Variants in ALDH3B2 observed in about 807,000 individuals in gnomAD.
ALDH3B2 encodes aldehyde dehydrogenase 3 family member B2, also known as aldehyde dehydrogenase family 3 member B2.
A neutral mutation model predicts 36.7 loss-of-function variants in ALDH3B2; 45 were observed. The observed-to-expected ratio is 1.23, with a 90% confidence interval of 0.97 to 1.57. The LOEUF is 1.57. Among genes scored for constraint, ALDH3B2 ranks in the 40% most tolerant of loss-of-function variants. The pLI, the probability that ALDH3B2 is intolerant of heterozygous loss-of-function variation, is 0.00. For missense variants in ALDH3B2, 464 were observed against 513.3 expected, an observed-to-expected ratio of 0.90 and a Z score of 0.93; for synonymous variants, 217 against 226.5, an observed-to-expected ratio of 0.96 and a Z score of 0.38.
At chr11:67,663,119 C>A (rs3127) in exon 10 of ALDH3B2, 1 of 1,414,788 alleles carries the variant, frequency 7.1e-7, no homozygotes. Context: ...GCTGGGGGAA[C>A]CTGCGGTCTG....
Position 67,663,766 on chromosome 11 carries a change from C to G in ALDH3B2, c.874-5G>C. 1.9e-6 allele frequency: 3 copies of G among 1,608,492 alleles called. No homozygotes were observed. Among genetic ancestry groups the G allele is most frequent in the Non-Finnish European group, 2.6e-6 (3 of 1,175,888 alleles). On this transcript the variant is annotated splice_polypyrimidine_tract_variant and splice_region_variant and intron_variant, in intron 8 of 9. Coordinates refer to ENST00000349015, the Ensembl canonical transcript of ALDH3B2. ...CTCCAGCATCTGGTTCACAACCTGC[C>G]AGGGAGTGAGAAGGTGGGTGTTGGG...
intron 5 of ALDH3B2, 36 bp from the exon 6 acceptor site, chr11:67,666,239 G>GA: frequency 2.3e-5 from 37 of 1,612,992 alleles, no homozygotes; most frequent in Non-Finnish European, 3.1e-5. Flanking sequence ...GGCGGGCTCG[G>GA]GGCCAGCCGG....
upstream of ALDH3B2, among the ~76,000 whole-genome samples, chr11:67,678,393 G>T (rs910468653): frequency 3.3e-5 from 5 of 152,060 alleles, no homozygotes; most frequent in African/African-American, 1.2e-4. Flanking sequence ...TCAACAAATG[G>T]TCCTGGGATA....
At chr11:67,680,830 G>T (rs1856355882) in intron 1 of ALDH3B2, among the ~76,000 whole-genome samples, 1 of 152,076 alleles carries the variant, frequency 6.6e-6, no homozygotes, top group East Asian at 1.9e-4. Context: ...CACCCCACTG[G>T]GCCCAATTTG....
chr11:67,675,227 G>A (rs978451304), upstream of ALDH3B2, among the ~76,000 whole-genome samples: 13 of 152,328 alleles, frequency 8.5e-5, no homozygotes, highest in Middle Eastern at 6.8e-3. Flanking sequence ...CTGTGCAACC[G>A]TGGGTAGGTT....
intron 1 of ALDH3B2, 108 bp downstream of exon 1, chr11:67,674,328 C>T (rs373049697): frequency 9.2e-5 from 14 of 152,890 alleles, no homozygotes; most frequent in Non-Finnish European, 1.9e-4. Context: ...GCCCCCTGAC[C>T]CACGGGCCAT....
chr11:67,681,182 G>A (rs185596025), exon 1 of ALDH3B2: 1 of 152,292 alleles, frequency 6.6e-6, no homozygotes, highest in South Asian at 2.1e-4. Flanking sequence ...TTACAGTTAT[G>A]GTGGAAGGGG....
At position 67,663,292 on chromosome 11, in the gene ALDH3B2, G is replaced by A. The variant is rs200562460; in HGVS notation, c.1081C>T (p.His361Tyr). The stretch of plus-strand genomic sequence containing the variant: ...TTCCAGTCGGTATAGGGTGGGTAGT[G>A]GATCTCCTTTAATTTCTCCAGGCCG... Residue 361 changes from histidine (H) to tyrosine (Y), a missense_variant, in exon 10 of 10, where the codon CAC becomes TAC. Physicochemically the swap from His to Tyr is moderately conservative, Grantham distance 83 (BLOSUM62 2). Transcript: ENST00000349015. The A allele has an allele frequency of 1.2e-4, 189 of 1,614,096 alleles. 1 individual carries two copies. Among genetic ancestry groups the A allele is most frequent in the Admixed American group, 5.7e-4 (34 of 60,012 alleles).
chr11:67,679,905 A>C (rs1591152274), intron 1 of ALDH3B2, among the ~76,000 whole-genome samples: 1 of 152,216 alleles, frequency 6.6e-6, no homozygotes, highest in African/African-American at 2.4e-5. Context: ...AGGGCTAGAA[A>C]GAGAAATTCT....
chr11:67,674,351 C>T (rs1031069048), intron 1 of ALDH3B2, 85 bp downstream of exon 1: 2 of 152,720 alleles, frequency 1.3e-5, no homozygotes, highest in Non-Finnish European at 2.9e-5. Flanking sequence ...GCACACATCC[C>T]CTTCCCTCCA....
upstream of ALDH3B2, among the ~76,000 whole-genome samples, chr11:67,677,777 A>G (rs1856297250): frequency 1.3e-5 from 2 of 152,190 alleles, no homozygotes; most frequent in Admixed American, 1.3e-4. Flanking sequence ...AAATTAATGT[A>G]CACAAATCAG....
chr11:67,664,132 C>T, intron 8 of ALDH3B2: 2 of 594,466 alleles, frequency 3.4e-6, no homozygotes, highest in South Asian at 4.0e-5. Context: ...CTCTGCTTGC[C>T]TGTGCAGAAC....
intron 3 of ALDH3B2, 63 bp from the exon 4 acceptor site, chr11:67,666,757 A>G: frequency 1.2e-6 from 2 of 1,609,394 alleles, no homozygotes; most frequent in South Asian, 2.2e-5. Flanking sequence ...CCCACTGCAC[A>G]CTTGGGGCCT....
At chr11:67,680,415 T>C (rs1262101939) in intron 1 of ALDH3B2, among the ~76,000 whole-genome samples, 1 of 152,204 alleles carries the variant, frequency 6.6e-6, no homozygotes, top group African/African-American at 2.4e-5. Flanking sequence ...TACTCTTAAT[T>C]GTCAAATTAT....
At chr11:67,680,053 T>G (rs1381889977) in intron 1 of ALDH3B2, among the ~76,000 whole-genome samples, 7 of 152,144 alleles carry the variant, frequency 4.6e-5, no homozygotes, top group Non-Finnish European at 7.4e-5. Flanking sequence ...TGGTGTCTCA[T>G]GCCTGTAATC....
intron 2 of ALDH3B2, 64 bp downstream of exon 2, chr11:67,667,408 GC>G: frequency 2.9e-6 from 1 of 347,292 alleles, no homozygotes. Flanking sequence ...GGGGGCACGG[GC>G]CCTCCTGAAA....
chr11:67,665,304 G>T, exon 7 of ALDH3B2: 1 of 1,609,932 alleles, frequency 6.2e-7, no homozygotes, highest in South Asian at 1.1e-5. Flanking sequence ...GATCGCTCTC[G>T]TTGCTCTGGC....
intron 3 of ALDH3B2, 79 bp downstream of exon 3, chr11:67,666,827 C>T: frequency 1.9e-6 from 3 of 1,611,468 alleles, no homozygotes; most frequent in South Asian, 2.2e-5. Flanking sequence ...CGCCCGGGGC[C>T]TCAGGGGCAG....
At chr11:67,668,343 C>T (rs1397036137) in intron 1 of ALDH3B2, among the ~76,000 whole-genome samples, 3 of 152,132 alleles carry the variant, frequency 2.0e-5, no homozygotes, top group Admixed American at 2.0e-4. Context: ...GGCATGAACC[C>T]CTCTGGGCTT....
Sources: gnomAD v4.1 joint callset for allele counts (sites outside exome capture counted in the v4.1 genomes callset) on GRCh38, gnomAD v4.1.1 for gene constraint, MANE v1.5 for transcripts, NCBI Gene and HGNC (gene_info 2026-07-23, HGNC 2026-07-21) for gene names.